ANK2: variants seen among roughly 807,000 people sequenced by gnomAD.
ANK2 encodes the protein ankyrin 2.
A neutral mutation model predicts 360.5 loss-of-function variants in ANK2; 83 were observed. The ratio of observed to expected loss-of-function variants is 0.23; its 90% confidence interval spans 0.19 to 0.28. The LOEUF is 0.28. ANK2 is among the 10% of genes least tolerant of loss of function. ANK2 has a pLI of 1.00. For synonymous variants in ANK2, 1,740 were observed against 1,759.5 expected (o/e 0.99, Z 0.28); for missense variants, 4,201 against 4,795.7 (o/e 0.88, Z 3.66).
chr4:112,856,890 C>T (rs1246726220), intron 1 of ANK2, among the ~76,000 whole-genome samples: 1 of 152,160 alleles, frequency 6.6e-6, no homozygotes, highest in African/African-American at 2.4e-5. Flanking sequence ...GACGTATAGC[C>T]AATGAGCAGA....
the ANK2 span, among the ~76,000 whole-genome samples, chr4:112,758,163 G>GTGC: frequency 6.6e-6 from 1 of 151,944 alleles, no homozygotes; most frequent in Admixed American, 6.6e-5. Flanking sequence ...CGGCCTCCGA[G>GTGC]TGCTGGGATT....
intron 2 of ANK2, among the ~76,000 whole-genome samples, chr4:113,027,867 A>G (rs2154301907): frequency 6.6e-6 from 1 of 152,256 alleles, no homozygotes; most frequent in Admixed American, 6.5e-5. Context: ...GGATGAAATG[A>G]TTGATTTTTT....
chr4:113,130,654 A>G (rs1371623376), intron 1 of ANK2, among the ~76,000 whole-genome samples: 2 of 152,202 alleles, frequency 1.3e-5, no homozygotes, highest in African/African-American at 4.8e-5. Context: ...CCAGCCAGGA[A>G]CAGCGTAATG....
At chr4:113,137,127 C>G (rs781257235) in intron 1 of ANK2, among the ~76,000 whole-genome samples, 10 of 152,122 alleles carry the variant, frequency 6.6e-5, no homozygotes, top group Non-Finnish European at 8.8e-5. Context: ...AGCCACTGCG[C>G]CCGACCTAGA....
In ANK2 at chr4:113,174,439, C is replaced by T. The variant is rs2098115840; in HGVS notation, c.108C>T (p.Leu36=). 1.2e-6 allele frequency: 2 copies of T among 1,613,104 alleles called. No individual in the cohort carries two copies. The highest frequency in any genetic ancestry group is 4.5e-5 in the East Asian group (2 of 44,846). Residue 36 remains leucine (L), a synonymous_variant, in exon 2 of 46, where the codon CTC becomes CTT. Transcript: ENST00000357077. Reference sequence around the variant, plus strand: ...AGTCTGACAGCAATGCAAGCTTCCTCCGTGCTGCCAGAGCAGGCAACCTGG... The same window carrying T: ...AGTCTGACAGCAATGCAAGCTTCCTTCGTGCTGCCAGAGCAGGCAACCTGG... ...PKKSDSNASF[L]RAARAGNLDK...
chr4:113,083,439 C>G (rs904056374), intron 1 of ANK2, among the ~76,000 whole-genome samples: 1 of 152,150 alleles, frequency 6.6e-6, no homozygotes, highest in African/African-American at 2.4e-5. Context: ...CCTCCCAAAG[C>G]GCTAGGATTA....
At chr4:112,784,217 A>G in the ANK2 span, among the ~76,000 whole-genome samples, 4 of 151,140 alleles carry the variant, frequency 2.6e-5, no homozygotes, top group African/African-American at 9.7e-5. Context: ...TTTTTTTTTG[A>G]GACCAGGTCT....
chr4:112,795,829 C>T, the ANK2 span, among the ~76,000 whole-genome samples: 2 of 136,390 alleles, frequency 1.5e-5, no homozygotes, highest in East Asian at 4.7e-4. Flanking sequence ...GACAGGTTGT[C>T]ACTCTGTTGC....
chr4:112,865,731 T>C (rs1264884510), intron 1 of ANK2, among the ~76,000 whole-genome samples: 1 of 152,238 alleles, frequency 6.6e-6, no homozygotes, highest in Non-Finnish European at 1.5e-5. Context: ...TAAATATTCT[T>C]ATATACCTGA....
intron 1 of ANK2, among the ~76,000 whole-genome samples, chr4:113,109,705 A>G (rs2094078117): frequency 6.6e-6 from 1 of 152,128 alleles, no homozygotes; most frequent in African/African-American, 2.4e-5. Flanking sequence ...TTGCCTAGCA[A>G]TTCCTTATTA....
At chr4:112,722,387 G>A in the ANK2 span, among the ~76,000 whole-genome samples, 6 of 152,104 alleles carry the variant, frequency 3.9e-5, no homozygotes, top group African/African-American at 7.2e-5. Flanking sequence ...GAGTGCTCAC[G>A]TGCACATATA....
intron 1 of ANK2, among the ~76,000 whole-genome samples, chr4:113,063,813 G>T (rs943835286): frequency 6.6e-6 from 1 of 152,034 alleles, no homozygotes; most frequent in African/African-American, 2.4e-5. Context: ...ATTTTTAGTA[G>T]ACTTTGTTTA....
intron 1 of ANK2, among the ~76,000 whole-genome samples, chr4:113,162,685 G>A (rs1390717861): frequency 4.0e-5 from 6 of 150,558 alleles, no homozygotes. Context: ...GATCTCCCTG[G>A]GTCTACTTTT....
At chr4:113,372,606 G>A (rs1035270986) in intron 43 of ANK2, 64 of 1,535,432 alleles carry the variant, frequency 4.2e-5, no homozygotes, top group South Asian at 1.3e-4. Context: ...AGGGTTGTCC[G>A]CCGGCGAGTG....
At chr4:112,983,727 T>C (rs2043910740) in intron 2 of ANK2, among the ~76,000 whole-genome samples, 1 of 152,140 alleles carries the variant, frequency 6.6e-6, no homozygotes, top group African/African-American at 2.4e-5. Context: ...TTATAAGATT[T>C]ATCTCTTCCT....
In ANK2 at chr4:113,354,148, C is replaced by T. The variant is rs1460453400; in HGVS notation, c.5530C>T (p.Pro1844Ser). The change falls in exon 38 of 46, where the codon CCA becomes TCA. Residue 1844 changes from proline to serine, a missense_variant. Transcript: ENST00000357077. ...SSSAKTERHP[P>S]VSPSSKTEKH... The stretch of plus-strand genomic sequence containing the variant: ...TTCCGCAAAAACTGAAAGGCACCCT[C>T]CAGTATCACCATCAAGTAAAACTGA... 5 of 1,614,148 alleles carry T rather than the reference C, an allele frequency of 3.1e-6. No homozygotes were observed. The highest frequency in any genetic ancestry group is 4.2e-6 in the Non-Finnish European group (5 of 1,180,002).
intron 1 of ANK2, among the ~76,000 whole-genome samples, chr4:113,055,311 C>A (rs190946414): frequency 5.1e-4 from 78 of 152,052 alleles, no homozygotes; most frequent in African/African-American, 1.8e-3. Flanking sequence ...CTGGGGACAC[C>A]CAACCCCCGA....
At chr4:112,881,560 C>T (rs2076697863) in intron 1 of ANK2, among the ~76,000 whole-genome samples, 1 of 152,082 alleles carries the variant, frequency 6.6e-6, no homozygotes, top group South Asian at 2.1e-4. Flanking sequence ...ATTTATTCAG[C>T]ATCATGATCA....
intron 1 of ANK2, among the ~76,000 whole-genome samples, chr4:113,063,869 T>G (rs1445466459): frequency 6.6e-6 from 1 of 152,182 alleles, no homozygotes; most frequent in Non-Finnish European, 1.5e-5. Context: ...TTATTTAGAT[T>G]GCAATAAAAA....
Sources: allele counts gnomAD v4.1 joint callset (sites outside exome capture counted in the v4.1 genomes callset), GRCh38; gene constraint gnomAD v4.1.1; transcripts MANE v1.5; gene names NCBI Gene and HGNC (gene_info 2026-07-23, HGNC 2026-07-21).